The following RAPGEF4 variants were observed in gnomAD, a reference collection of about 807,000 sequenced individuals.
RAPGEF4 encodes Rap guanine nucleotide exchange factor 4.
Under a neutral mutation model 147.9 loss-of-function variants are expected in RAPGEF4, and 66 were observed. That is an observed-to-expected ratio of 0.45 (90% CI 0.37 to 0.55). RAPGEF4 has a LOEUF of 0.55. Ranked by LOEUF, RAPGEF4 falls within the 20% of genes least tolerant of loss-of-function variation. The pLI is 0.00. For synonymous variants in RAPGEF4, 419 were observed against 442.7 expected (o/e 0.95, Z 0.67); for missense variants, 1,071 against 1,257.3 (o/e 0.85, Z 2.24).
intron 1 of RAPGEF4, among the ~76,000 whole-genome samples, chr2:172,760,118 T>C (rs1045135647): frequency 3.5e-4 from 54 of 152,250 alleles, no homozygotes; most frequent in East Asian, 7.7e-4. Flanking sequence ...AATAGAAAAC[T>C]TTCAGATAAC....
intron 29 of RAPGEF4, among the ~76,000 whole-genome samples, chr2:173,041,531 A>G (rs959973935): frequency 6.6e-6 from 1 of 152,236 alleles, no homozygotes; most frequent in Admixed American, 6.5e-5. Context: ...GAGAAAACAT[A>G]AACACATGAA....
At chr2:173,049,301 G>A (rs1685904752) in intron 30 of RAPGEF4, among the ~76,000 whole-genome samples, 2 of 152,186 alleles carry the variant, frequency 1.3e-5, no homozygotes, top group Admixed American at 1.3e-4. Flanking sequence ...CATAGCACCA[G>A]ATGGTCATAC....
Position 172,925,815 on chromosome 2 carries a change from GAGAA to G in RAPGEF4, c.537+3526_537+3529del, listed in dbSNP as rs1206153386. ...AGAGAGAGAAAGAAAGAAAGAGAGA[GAGAA>G]AGAAAGAAAGGAAAGAAGGAAGGAA... On this transcript the variant is annotated intron_variant, in intron 6 of 30. Coordinates refer to ENST00000397081, the MANE Select transcript of RAPGEF4 (RefSeq NM_007023.4). Among the ~76,000 whole-genome samples the G allele has an allele frequency of 2.7e-3, 388 of 141,268 alleles. 1 individual carries two copies. The highest frequency in any genetic ancestry group is 3.8e-3 in the Non-Finnish European group (248 of 65,096). 92.7% of individuals were successfully genotyped at this position (141,268 alleles called of 152,430 possible).
chr2:173,027,131 A>T lies in RAPGEF4; in HGVS notation c.2430A>T (p.Thr810=). The change falls in exon 25 of 31, where the codon ACA becomes ACT. Residue 810 remains threonine, a synonymous_variant. Coordinates refer to ENST00000397081, the MANE Select transcript of RAPGEF4 (RefSeq NM_007023.4). The part of the protein sequence containing the change: ...TFGRHNFKKT[T]ANLDLFLRRF... ...GAAGGCATAATTTTAAAAAGACCAC[A>T]GCAAACTTGGATTTGTTCCTGAGGA... The T allele has an allele frequency of 6.2e-7, 1 of 1,613,074 alleles. No individual in the cohort carries two copies. Among genetic ancestry groups the T allele is most frequent in the Non-Finnish European group, 8.5e-7 (1 of 1,179,668 alleles).
intron 4 of RAPGEF4, among the ~76,000 whole-genome samples, chr2:172,830,416 T>C (rs1690165656): frequency 6.6e-6 from 1 of 152,246 alleles, no homozygotes; most frequent in Non-Finnish European, 1.5e-5. Flanking sequence ...TTGTACCTAG[T>C]TCCAAACTGA....
chr2:172,839,589 A>G (rs1575001956), intron 4 of RAPGEF4, among the ~76,000 whole-genome samples: 1 of 152,142 alleles, frequency 6.6e-6, no homozygotes, highest in East Asian at 1.9e-4. Context: ...TTTTATCAAC[A>G]AGGCCTTTAT....
At chr2:173,003,538 A>T (rs2105817358) in intron 17 of RAPGEF4, among the ~76,000 whole-genome samples, 1 of 151,968 alleles carries the variant, frequency 6.6e-6, no homozygotes, top group Non-Finnish European at 1.5e-5. Flanking sequence ...ATATTATACC[A>T]CTCTATCCTG....
chr2:172,878,088 A>G (rs1696172202), intron 4 of RAPGEF4, among the ~76,000 whole-genome samples: 1 of 152,206 alleles, frequency 6.6e-6, no homozygotes, highest in Non-Finnish European at 1.5e-5. Flanking sequence ...TCTTTGCATT[A>G]GAATCTGCAC....
intron 1 of RAPGEF4, among the ~76,000 whole-genome samples, chr2:172,738,475 C>T (rs969008524): frequency 1.3e-5 from 2 of 152,090 alleles, no homozygotes; most frequent in Non-Finnish European, 2.9e-5. Context: ...CGAGATACTT[C>T]CATAGGTGTC....
chr2:172,752,998 A>T (rs1254793078), intron 1 of RAPGEF4, among the ~76,000 whole-genome samples: 1 of 152,156 alleles, frequency 6.6e-6, no homozygotes, highest in Admixed American at 6.5e-5. Context: ...CAGGTCATGG[A>T]TGTCAAAGCA....
chr2:172,855,756 G>A (rs923574245), intron 4 of RAPGEF4, among the ~76,000 whole-genome samples: 1 of 151,946 alleles, frequency 6.6e-6, no homozygotes, highest in Non-Finnish European at 1.5e-5. Context: ...TTTTCCTGTT[G>A]GTATTTTAAT....
intron 4 of RAPGEF4, among the ~76,000 whole-genome samples, chr2:172,836,831 C>A (rs1690992210): frequency 6.6e-6 from 1 of 152,186 alleles, no homozygotes; most frequent in Admixed American, 6.5e-5. Flanking sequence ...TCATGTTTAC[C>A]AGAATTCTCA....
intron 4 of RAPGEF4, among the ~76,000 whole-genome samples, chr2:172,871,571 A>G (rs1409290782): frequency 6.6e-6 from 1 of 151,302 alleles, no homozygotes; most frequent in Non-Finnish European, 1.5e-5. Flanking sequence ...TAAGGTTCCC[A>G]TTTCATAGAC....
chr2:172,912,319 T>G (rs1683519242), intron 4 of RAPGEF4, among the ~76,000 whole-genome samples: 1 of 152,246 alleles, frequency 6.6e-6, no homozygotes, highest in Non-Finnish European at 1.5e-5. Context: ...CATACCCATG[T>G]GCATCTTTGC....
intron 1 of RAPGEF4, among the ~76,000 whole-genome samples, chr2:172,756,614 CT>C (rs1695804496): frequency 2.0e-5 from 3 of 152,170 alleles, no homozygotes. Context: ...GTAGGCTAAT[CT>C]CTTAAATAGA....
chr2:173,051,574 A>C, intron 30 of RAPGEF4, 66 bp from the exon 31 acceptor site: 1 of 1,490,218 alleles, frequency 6.7e-7, no homozygotes, highest in Non-Finnish European at 9.1e-7. Context: ...ATAATTGGAG[A>C]AGTAAGATTG....
intron 26 of RAPGEF4, 106 bp downstream of exon 26, chr2:173,030,360 G>T: frequency 1.2e-6 from 1 of 860,968 alleles, no homozygotes; most frequent in East Asian, 2.6e-5. Context: ...GTATAACAAT[G>T]GGAAAGGTGG....
At chr2:172,977,892 G>A (rs577032500) in intron 10 of RAPGEF4, among the ~76,000 whole-genome samples, 1 of 152,210 alleles carries the variant, frequency 6.6e-6, no homozygotes, top group Non-Finnish European at 1.5e-5. Flanking sequence ...TGCTGCCTGG[G>A]TGGATTGCCA....
At chr2:172,853,583 G>T (rs1357503279) in intron 4 of RAPGEF4, among the ~76,000 whole-genome samples, 2 of 151,528 alleles carry the variant, frequency 1.3e-5, no homozygotes. Flanking sequence ...TTTACTTTGG[G>T]TTTAATTTGT....
Sources: allele counts gnomAD v4.1 joint callset (sites outside exome capture counted in the v4.1 genomes callset), GRCh38; gene constraint gnomAD v4.1.1; transcripts MANE v1.5; gene names NCBI Gene and HGNC (gene_info 2026-07-23, HGNC 2026-07-21).